SLC39A11: variants seen among roughly 807,000 people sequenced by gnomAD.
SLC39A11 encodes the protein zinc transporter ZIP11.
In SLC39A11, 33 loss-of-function variants were observed where a neutral mutation model predicts 36.1. The ratio of observed to expected loss-of-function variants is 0.91; its 90% CI spans 0.69 to 1.22. The LOEUF is 1.22. SLC39A11 is among the 50% of genes most tolerant of loss of function. The pLI is 0.00. For synonymous variants in SLC39A11, 166 were observed against 170.3 expected (o/e 0.97, Z 0.20); for missense variants, 432 against 430.3 (o/e 1.00, Z -0.03).
rs988578588 is a variant in SLC39A11, at chr17:72,745,715, A to C, written c.602-8996T>G. On this transcript the variant is annotated intron_variant, in intron 6 of 9. Coordinates refer to ENST00000255559, the MANE Select transcript of SLC39A11 (RefSeq NM_139177.4). ...CTCCAACTGGGCCTCTGGTTTAAGC[A>C]CTCATAGTATCAGTTTTAGAAGTTA... Among the ~76,000 whole-genome samples the C allele has an allele frequency of 5.9e-5, 9 of 152,316 alleles. No homozygotes were observed. In the East Asian group the frequency reaches 1.5e-3, roughly 26 times the overall value.
intron 6 of SLC39A11, among the ~76,000 whole-genome samples, chr17:72,806,762 T>C (rs562437686): frequency 3.8e-4 from 58 of 152,328 alleles, no homozygotes; most frequent in South Asian, 3.3e-3. Context: ...TCTGTATTTT[T>C]AGTAGAGACG....
At chr17:72,665,389 G>T (rs201774930) in intron 7 of SLC39A11, among the ~76,000 whole-genome samples, 20 of 76,604 alleles carry the variant, frequency 2.6e-4, no homozygotes, top group Middle Eastern at 0.011. Flanking sequence ...GTTTTGAGGT[G>T]TTTTTTTTTT....
In SLC39A11 at chr17:72,959,325, G is replaced by GTATA. The variant is rs1186282631; in HGVS notation, c.307-11454_307-11451dup. On this transcript the variant is annotated intron_variant, in intron 4 of 9. Transcript: ENST00000255559. ...CTGGTGTATGTATGTGTGTGTGTGT[G>GTATA]TATATATATATATATATATATATAT... 6.9e-3 allele frequency among the ~76,000 whole-genome samples: 450 copies of GTATA among 65,430 alleles called. 5 individuals are homozygous for GTATA. Among genetic ancestry groups the GTATA allele is most frequent in the South Asian group, 0.021 (34 of 1,622 alleles). 42.9% of individuals were successfully genotyped at this position (65,430 alleles called of 152,430 possible). A position where few individuals can be genotyped will look rare whatever the true frequency, so the allele number is the denominator to read the frequency against.
rs386386565 is a variant in SLC39A11 at position 72,740,056 on chromosome 17, C to CTTTTTTTT, written c.602-3345_602-3338dup. ...AGCTAGATAGAATTTCTTTCCTTTT[C>CTTTTTTTT]TTTTTTTTTTTTTTTTTTTTTTTTG... is the stretch of plus-strand genomic sequence containing the variant. On this transcript the variant is annotated intron_variant, in intron 6 of 9. Transcript: ENST00000255559. Among the ~76,000 whole-genome samples, 129 of 81,464 alleles carry CTTTTTTTT rather than the reference C, an allele frequency of 1.6e-3. 6 individuals carry two copies. Among genetic ancestry groups the CTTTTTTTT allele is most frequent in the South Asian group, 2.2e-3 (4 of 1,804 alleles). The allele number at this position is 81,464 out of a possible 152,430, so 53.4% of individuals were successfully genotyped here.
rs1471929912 is a variant in SLC39A11, at chr17:73,004,216, AAAGAAAGAAAG to A, written c.306+27329_306+27339del. ...GAAAGAAAGAAAGAAAGAAAGAAAG[AAAGAAAGAAAG>A]AAAGAAAAGAAAGAAAGAGAAAAAG... On this transcript the variant is annotated intron_variant, in intron 4 of 9. Coordinates refer to ENST00000255559, the MANE Select transcript of SLC39A11 (RefSeq NM_139177.4). Among the ~76,000 whole-genome samples, 20 of 122,696 alleles carry A rather than the reference AAAGAAAGAAAG, an allele frequency of 1.6e-4. 1 individual carries two copies. The highest frequency in any genetic ancestry group is 8.6e-4 in the East Asian group (3 of 3,488). 80.5% of individuals were successfully genotyped at this position (122,696 alleles called of 152,430 possible). A position where few individuals can be genotyped will look rare whatever the true frequency, so the allele number is the denominator to read the frequency against.
At position 72,820,296 on chromosome 17, in the gene SLC39A11, C is replaced by A. The variant is rs1467319693; in HGVS notation, c.601+29338G>T. Among the ~76,000 whole-genome samples, 3 of 151,148 alleles carry A rather than the reference C, an allele frequency of 2.0e-5. 1 individual carries two copies. The South Asian group carries it at 6.3e-4, about 32-fold the overall frequency. ...TTCCAAATAACTGAATTTTGTTGTG[C>A]CCCCAGGGTCACATGGAGCCCTGGT... On this transcript the variant is annotated intron_variant, in intron 6 of 9. Transcript: ENST00000255559.
intron 3 of SLC39A11, among the ~76,000 whole-genome samples, chr17:73,062,182 G>A (rs976741983): frequency 2.6e-5 from 4 of 151,428 alleles, no homozygotes; most frequent in Admixed American, 6.6e-5. Context: ...AGATGAGGCC[G>A]GGCGCAGTAG....
Position 72,783,163 on chromosome 17 carries a change from AGAT to A in SLC39A11, c.602-46447_602-46445del, listed in dbSNP as rs1267911727. On this transcript the variant is annotated intron_variant, in intron 6 of 9. Coordinates refer to ENST00000255559, the MANE Select transcript of SLC39A11 (RefSeq NM_139177.4). The stretch of plus-strand genomic sequence containing the variant: ...AGAAAGCAGATTCTCACCAGAAAGC[AGAT>A]GATTCTCACCAGAAAGCAGATTCTC... 5.9e-5 allele frequency among the ~76,000 whole-genome samples: 9 copies of A among 151,488 alleles called. No individual in the cohort carries two copies. In the East Asian group the frequency reaches 1.5e-3, roughly 26 times the overall value.
chr17:72,872,703 C>G (rs538437591), intron 5 of SLC39A11, among the ~76,000 whole-genome samples: 99 of 152,078 alleles, frequency 6.5e-4, no homozygotes, highest in Admixed American at 3.9e-3. Context: ...CTAACCACCC[C>G]CTCCGTTGTG....
At chr17:72,964,545 T>C (rs899355132) in intron 4 of SLC39A11, among the ~76,000 whole-genome samples, 1 of 152,136 alleles carries the variant, frequency 6.6e-6, no homozygotes, top group Admixed American at 6.5e-5. Flanking sequence ...AAAGAAGAAA[T>C]TGAAGTAAAA....
chr17:72,824,528 G>T (rs1323206660), intron 6 of SLC39A11, among the ~76,000 whole-genome samples: 1 of 151,322 alleles, frequency 6.6e-6, no homozygotes, highest in Non-Finnish European at 1.5e-5. Context: ...TTTGGAACTG[G>T]GTAAAAGGCA....
At chr17:73,056,334 A>C (rs1189174090) in intron 3 of SLC39A11, among the ~76,000 whole-genome samples, 1 of 152,106 alleles carries the variant, frequency 6.6e-6, no homozygotes, top group African/African-American at 2.4e-5. Flanking sequence ...ATGCCTAGCT[A>C]ATTTTTGTAT....
At chr17:72,865,411 GAAA>G (rs34706790) in intron 5 of SLC39A11, among the ~76,000 whole-genome samples, 1 of 113,202 alleles carries the variant, frequency 8.8e-6, no homozygotes, top group Non-Finnish European at 1.8e-5. Flanking sequence ...AAAACTGCTC[GAAA>G]AAAAAAAAAA....
chr17:72,870,713 A>G (rs2146366259), intron 5 of SLC39A11, among the ~76,000 whole-genome samples: 1 of 152,222 alleles, frequency 6.6e-6, no homozygotes, highest in East Asian at 1.9e-4. Flanking sequence ...GATTTGCCTC[A>G]AGCATCCTTT....
At chr17:73,028,443 A>C (rs2058632080) in intron 4 of SLC39A11, among the ~76,000 whole-genome samples, 1 of 152,196 alleles carries the variant, frequency 6.6e-6, no homozygotes, top group Non-Finnish European at 1.5e-5. Context: ...CTCAGAGTGA[A>C]GGTCAACAGA....
chr17:72,839,090 C>G (rs2078695100), intron 6 of SLC39A11: 1 of 152,168 alleles, frequency 6.6e-6, no homozygotes, highest in African/African-American at 2.4e-5. Flanking sequence ...ACACAGAAAG[C>G]CAGTGATGGG....
intron 6 of SLC39A11, among the ~76,000 whole-genome samples, chr17:72,749,520 G>T (rs1385633700): frequency 6.6e-6 from 1 of 152,240 alleles, no homozygotes; most frequent in African/African-American, 2.4e-5. Context: ...TAAATATGAG[G>T]ACACAGGACG....
chr17:73,070,815 C>T (rs892289514), intron 3 of SLC39A11, among the ~76,000 whole-genome samples: 10 of 152,134 alleles, frequency 6.6e-5, no homozygotes, highest in South Asian at 4.1e-4. Flanking sequence ...TCTTGTCTGC[C>T]GCCATGTCAG....
chr17:72,963,496 A>AATTCTTAAGGGCCG (rs2086774885), intron 4 of SLC39A11, among the ~76,000 whole-genome samples: 1 of 151,986 alleles, frequency 6.6e-6, no homozygotes, highest in Non-Finnish European at 1.5e-5. Context: ...CTTAAGGGCC[A>AATTCTTAAGGGCCG]TCTCAGATCT....
Sources: allele counts gnomAD v4.1 joint callset (sites outside exome capture counted in the v4.1 genomes callset), GRCh38; gene constraint gnomAD v4.1.1; transcripts MANE v1.5; gene names NCBI Gene and HGNC (gene_info 2026-07-23, HGNC 2026-07-21).